ZNF215: variants seen among roughly 807,000 people sequenced by gnomAD.
ZNF215 encodes zinc finger protein 215, also known as BWSCR2-associated zinc finger protein 2.
ZNF215 carries 24 observed loss-of-function variants against 27.2 expected under a neutral mutation model. The observed-to-expected ratio is 0.88, with a 90% CI of 0.64 to 1.24. The LOEUF (loss-of-function observed/expected upper bound fraction) is 1.24. Ranked by LOEUF, ZNF215 falls within the 50% of genes most tolerant of loss-of-function variation. The probability of loss-of-function intolerance (pLI) is 0.00; values close to 1 mark genes in which losing one functional copy is unlikely to be tolerated. For synonymous variants in ZNF215, 210 were observed against 204.0 expected, an observed-to-expected ratio of 1.03 and a Z score of -0.25; for missense variants, 675 against 605.7, an observed-to-expected ratio of 1.11 and a Z score of -1.20.
At chr11:6,936,844 T>G (rs954545285) in intron 3 of ZNF215, among the ~76,000 whole-genome samples, 2 of 151,580 alleles carry the variant, frequency 1.3e-5, no homozygotes, top group African/African-American at 4.8e-5. Flanking sequence ...ATTATCTCAA[T>G]TGATGCAGAA....
chr11:6,928,966 A>T (rs1356332943), intron 2 of ZNF215, among the ~76,000 whole-genome samples: 1 of 151,994 alleles, frequency 6.6e-6, no homozygotes, highest in Non-Finnish European at 1.5e-5. Context: ...GCGAATGAGG[A>T]GAAAGATGGT....
At chr11:6,975,978 G>T (rs898739178) in intron 5 of ZNF215, among the ~76,000 whole-genome samples, 2 of 152,008 alleles carry the variant, frequency 1.3e-5, no homozygotes, top group Non-Finnish European at 2.9e-5. Context: ...AGTATACAAG[G>T]GTTCCCTTTT....
chr11:6,943,453 A>T (rs1849698572), intron 5 of ZNF215, 93 bp from the exon 6 acceptor site: 9 of 1,258,922 alleles, frequency 7.1e-6, no homozygotes, highest in Non-Finnish European at 1.0e-5. Flanking sequence ...AGCTTGGATT[A>T]CTGTGTCGGG....
At chr11:6,983,341 T>G (rs1850999937) in intron 5 of ZNF215, among the ~76,000 whole-genome samples, 1 of 152,110 alleles carries the variant, frequency 6.6e-6, no homozygotes, top group Non-Finnish European at 1.5e-5. Flanking sequence ...AAGGAGGAAC[T>G]GGTACCATTC....
At chr11:6,927,300 A>G (rs2133123846) in intron 1 of ZNF215, among the ~76,000 whole-genome samples, 1 of 152,296 alleles carries the variant, frequency 6.6e-6, no homozygotes, top group South Asian at 2.1e-4. Flanking sequence ...AACATAAATG[A>G]CTTCTATTCA....
intron 6 of ZNF215, 56 bp downstream of exon 6, chr11:6,943,697 C>G: frequency 1.5e-6 from 2 of 1,335,150 alleles, no homozygotes; most frequent in South Asian, 1.2e-5. Flanking sequence ...CCTAAACATA[C>G]AGACAATGTG....
chr11:6,991,483 G>T (rs141988982), downstream of ZNF215, among the ~76,000 whole-genome samples: 407 of 152,274 alleles, frequency 2.7e-3, 1 homozygote, highest in African/African-American at 9.3e-3. Context: ...CTACCCTAGA[G>T]CCCCCTCAGG....
At chr11:6,933,727 G>A (rs1048089235) in intron 3 of ZNF215, among the ~76,000 whole-genome samples, 1 of 150,968 alleles carries the variant, frequency 6.6e-6, no homozygotes, top group Non-Finnish European at 1.5e-5. Context: ...CCCAGGAGGC[G>A]GAGCTTGCAG....
downstream of ZNF215, among the ~76,000 whole-genome samples, chr11:6,959,906 C>T (rs1261913896): frequency 6.6e-6 from 1 of 151,828 alleles, no homozygotes; most frequent in African/African-American, 2.4e-5. Flanking sequence ...TTTAGCATAT[C>T]GTAAATTGTC....
At chr11:6,959,033 C>T (rs1428010961), downstream of ZNF215, among the ~76,000 whole-genome samples, 1 of 152,198 alleles carries the variant, frequency 6.6e-6, no homozygotes, top group Non-Finnish European at 1.5e-5. Context: ...CTCACAGTCA[C>T]ACTCGGGAAC....
At chr11:6,948,442 T>C (rs974255125) in intron 6 of ZNF215, among the ~76,000 whole-genome samples, 1 of 151,190 alleles carries the variant, frequency 6.6e-6, no homozygotes, top group Non-Finnish European at 1.5e-5. Flanking sequence ...ACAGATTTGA[T>C]ATGGGAGACG....
chr11:6,993,730 C>G (rs1370189305), downstream of ZNF215, among the ~76,000 whole-genome samples: 1 of 152,140 alleles, frequency 6.6e-6, no homozygotes, highest in Non-Finnish European at 1.5e-5. Context: ...ATTTTATATA[C>G]AGTTTAACCT....
intron 5 of ZNF215, among the ~76,000 whole-genome samples, chr11:6,977,959 A>G (rs1014470740): frequency 5.9e-5 from 9 of 152,076 alleles, no homozygotes; most frequent in Non-Finnish European, 8.8e-5. Flanking sequence ...GCAAAAGGAA[A>G]CTATAAAGAT....
rs1196514840 is a variant in ZNF215 at position 6,956,319 on chromosome 11, G to A, written c.1342G>A (p.Glu448Lys). 5.6e-6 allele frequency: 9 copies of A among 1,614,164 alleles called. No homozygotes were observed. The African/African-American group carries it at 9.3e-5, about 17-fold the overall frequency. The change falls in exon 7 of 7, where the codon GAA becomes AAA. Residue 448 changes from glutamate to lysine, a missense_variant. Glu to Lys is a moderately conservative substitution (Grantham distance 56). Transcript: ENST00000278319. ...NKCGKAFSKS[E>K]DSNNPTLHFG... ...ATGTGGAAAGGCCTTCAGTAAAAGTGAAGACAGTAATAATCCAACACTCCA... is the reference window on the plus strand; with the variant it reads ...ATGTGGAAAGGCCTTCAGTAAAAGTAAAGACAGTAATAATCCAACACTCCA...
downstream of ZNF215, among the ~76,000 whole-genome samples, chr11:6,993,728 T>C (rs1851144780): frequency 6.6e-6 from 1 of 152,218 alleles, no homozygotes; most frequent in African/African-American, 2.4e-5. Context: ...AGATTTTATA[T>C]ACAGTTTAAC....
At chr11:6,966,282 A>G (rs1850615920) in intron 5 of ZNF215, among the ~76,000 whole-genome samples, 1 of 152,092 alleles carries the variant, frequency 6.6e-6, no homozygotes, top group Non-Finnish European at 1.5e-5. Flanking sequence ...CCGCATGAGT[A>G]CACATGTGCA....
At chr11:6,974,027 G>T (rs1850778040) in intron 5 of ZNF215, among the ~76,000 whole-genome samples, 1 of 152,070 alleles carries the variant, frequency 6.6e-6, no homozygotes, top group South Asian at 2.1e-4. Flanking sequence ...TATGGTTTTA[G>T]GTCTAATATT....
chr11:6,927,388 G>A (rs1000255677), intron 1 of ZNF215, among the ~76,000 whole-genome samples: 2 of 152,142 alleles, frequency 1.3e-5, no homozygotes, highest in African/African-American at 4.8e-5. Flanking sequence ...TCAAGCAGCT[G>A]TCCTACCTAC....
At chr11:6,983,891 A>C (rs992718776) in intron 5 of ZNF215, among the ~76,000 whole-genome samples, 1 of 151,914 alleles carries the variant, frequency 6.6e-6, no homozygotes, top group Non-Finnish European at 1.5e-5. Flanking sequence ...AGTCCAAATG[A>C]ATGATAAATC....
Sources: gnomAD v4.1 joint callset for allele counts (sites outside exome capture counted in the v4.1 genomes callset) on GRCh38, gnomAD v4.1.1 for gene constraint, MANE v1.5 for transcripts, NCBI Gene and HGNC (gene_info 2026-07-23, HGNC 2026-07-21) for gene names.